Variants in HGF observed in about 807,000 individuals in gnomAD.
The protein encoded by HGF is fibroblast-derived tumor cytotoxic factor.
Under a neutral mutation model 111.6 loss-of-function variants are expected in HGF, and 39 were observed. That is an observed-to-expected ratio of 0.35 (90% CI 0.27 to 0.46). The LOEUF is 0.46. HGF is among the 20% of genes least tolerant of loss of function. HGF has a pLI of 1.00. For missense variants in HGF, 735 were observed against 910.5 expected (o/e 0.81, Z 2.48); for synonymous variants, 285 against 294.8 (o/e 0.97, Z 0.34).
intron 3 of HGF, 31 bp downstream of exon 3, chr7:81,758,653 TTTATTTCA>T: frequency 8.4e-7 from 1 of 1,183,602 alleles, no homozygotes; most frequent in Admixed American, 1.7e-5. Flanking sequence ...TTCATTATAC[TTTATTTCA>T]TTATGCAATA....
chr7:81,742,909 CAGA>C (rs752761642), intron 7 of HGF: 7 of 1,612,844 alleles, frequency 4.3e-6, no homozygotes, highest in African/African-American at 2.7e-5. Context: ...TGTCACTCAC[CAGA>C]AGAAGTTCAC....
chr7:81,765,423 A>T (rs1789309925), intron 1 of HGF, among the ~76,000 whole-genome samples: 1 of 152,136 alleles, frequency 6.6e-6, no homozygotes, highest in Non-Finnish European at 1.5e-5. Context: ...AAGATCGAAA[A>T]GCATTTTGAA....
intron 5 of HGF, among the ~76,000 whole-genome samples, chr7:81,745,713 A>AGTTGG (rs1343103845): frequency 6.6e-6 from 1 of 152,220 alleles, no homozygotes; most frequent in African/African-American, 2.4e-5. Context: ...ATGTTGAATA[A>AGTTGG]GCTGGGCAGG....
intron 1 of HGF, 86 bp from the exon 2 acceptor site, chr7:81,762,958 T>C: frequency 1.3e-6 from 1 of 797,480 alleles, no homozygotes; most frequent in Admixed American, 2.3e-5. Flanking sequence ...AAGGATCATC[T>C]ACAAGAAAGT....
intron 2 of HGF, among the ~76,000 whole-genome samples, chr7:81,761,515 G>A (rs964052330): frequency 3.3e-5 from 5 of 149,462 alleles, no homozygotes; most frequent in Non-Finnish European, 5.9e-5. Flanking sequence ...ATGTAATTGA[G>A]TAGAATTTAA....
chr7:81,702,493 G>GT lies in HGF; in HGVS notation c.*87dup. On this transcript the variant is annotated 3_prime_UTR_variant, in exon 18 of 18. Coordinates refer to ENST00000222390, the MANE Select transcript of HGF (RefSeq NM_000601.6). ...CTCCAGTAGTTGTCTTAGGATTGTT[G>GT]TAAGTGACATTTTAAATTCCACATT... 1 of 1,086,734 alleles carries GT rather than the reference G, an allele frequency of 9.2e-7. No individual in the cohort carries two copies. The highest frequency in any genetic ancestry group is 1.4e-6 in the Non-Finnish European group (1 of 708,086). 67.3% of individuals were successfully genotyped at this position (1,086,734 alleles called of 1,614,324 possible). A position where few individuals can be genotyped will look rare whatever the true frequency, so the allele number is the denominator to read the frequency against.
At chr7:81,727,334 C>T (rs542217507) in intron 8 of HGF, among the ~76,000 whole-genome samples, 4 of 152,150 alleles carry the variant, frequency 2.6e-5, no homozygotes, top group South Asian at 2.1e-4. Context: ...TGAGCCACCG[C>T]ACCCGGCCGA....
At chr7:81,715,426 T>C (rs1789684848) in intron 11 of HGF, among the ~76,000 whole-genome samples, 1 of 152,250 alleles carries the variant, frequency 6.6e-6, no homozygotes, top group East Asian at 1.9e-4. Flanking sequence ...ATTGAGCCTA[T>C]GCCAACCTTA....
chr7:81,725,947 T>C lies in HGF; in HGVS notation c.1111A>G (p.Asn371Asp). 6.2e-7 allele frequency: 1 copy of C among 1,614,038 alleles called. No homozygotes were observed. Among genetic ancestry groups the C allele is most frequent in the South Asian group, 1.1e-5 (1 of 91,086 alleles). ...ESPWCFTTDP[N>D]IRVGYCSQIP... ...TGGGAGCAGTAGCCAACTCGGATGT[T>C]TGGATCAGTGGTAAAACACCAGGGT... Residue 371 changes from asparagine to aspartate, a missense_variant, in exon 9 of 18, where the codon AAC becomes GAC. Coordinates refer to ENST00000222390, the MANE Select transcript of HGF (RefSeq NM_000601.6).
chr7:81,769,160 G>A (rs565701151), intron 1 of HGF, among the ~76,000 whole-genome samples: 8 of 152,022 alleles, frequency 5.3e-5, no homozygotes, highest in African/African-American at 1.7e-4. Flanking sequence ...AGCAGCAAAC[G>A]AGATCTCTAA....
chr7:81,760,284 G>A (rs569211921), intron 2 of HGF, among the ~76,000 whole-genome samples: 1 of 152,142 alleles, frequency 6.6e-6, no homozygotes, highest in Non-Finnish European at 1.5e-5. Context: ...AAAGAGGAAA[G>A]CTTCCTATCT....
intron 11 of HGF, among the ~76,000 whole-genome samples, chr7:81,716,556 G>A (rs1789717218): frequency 6.6e-6 from 1 of 151,988 alleles, no homozygotes; most frequent in South Asian, 2.1e-4. Flanking sequence ...TATTTTTGAA[G>A]ATTTATTTTC....
At chr7:81,748,041 GACTT>G (rs1788345883) in intron 5 of HGF, among the ~76,000 whole-genome samples, 1 of 152,134 alleles carries the variant, frequency 6.6e-6, no homozygotes, top group Admixed American at 6.5e-5. Context: ...AGTTTTAAGA[GACTT>G]ACCTAAAACA....
In HGF at chr7:81,702,629, T is replaced by A. The variant is rs764730119; in HGVS notation, c.2139A>T (p.Ala713=). The stretch of plus-strand genomic sequence containing the variant: ...TTAAAATAATTTTGTGTATCCATTT[T>A]GCATAATATGCTACTCGGACAAAAA... ...PGIFVRVAYY[A]KWIHKIILTY... is the part of the protein sequence containing the mutation. Residue 713 remains alanine (A), a synonymous_variant, in exon 18 of 18, where the codon GCA becomes GCT. Coordinates refer to ENST00000222390, the MANE Select transcript of HGF (RefSeq NM_000601.6). The A allele has an allele frequency of 6.2e-7, 1 of 1,611,552 alleles. No individual in the cohort carries two copies. The highest frequency in any genetic ancestry group is 8.5e-7 in the Non-Finnish European group (1 of 1,178,256).
chr7:81,753,388 A>G (rs1267687348), intron 4 of HGF, among the ~76,000 whole-genome samples: 1 of 152,028 alleles, frequency 6.6e-6, no homozygotes, highest in African/African-American at 2.4e-5. Flanking sequence ...TGTTTTGTTA[A>G]CAGGCTTTAT....
At chr7:81,721,595 C>CTG (rs1789866012) in intron 9 of HGF, among the ~76,000 whole-genome samples, 5 of 152,110 alleles carry the variant, frequency 3.3e-5, no homozygotes, top group Non-Finnish European at 7.4e-5. Context: ...CTGAGTCACC[C>CTG]AAGTCAGCTG....
In HGF at chr7:81,758,703, T is replaced by A. The variant is rs750225776; in HGVS notation, c.356A>T (p.Tyr119Phe). 6.3e-7 allele frequency: 1 copy of A among 1,591,860 alleles called. No individual in the cohort carries two copies. Among genetic ancestry groups the A allele is most frequent in the South Asian group, 1.1e-5 (1 of 90,568 alleles). The change falls in exon 3 of 18, where the codon TAT becomes TTT. Residue 119 changes from tyrosine (Y) to phenylalanine (F), a missense_variant. Around this residue, in one of 3 missense-constraint regions of HGF, gnomAD observed 553 missense variants for 685.6 expected, o/e 0.81. Coordinates refer to ENST00000222390, the MANE Select transcript of HGF (RefSeq NM_000601.6). ...KKEFGHEFDL[Y>F]ENKDYIRNCI... Reference sequence around the variant, plus strand: ...GAGAAGTCAGTTACCTTTGTTTTCATAGAGGTCAAATTCATGGCCAAATTC... The same window carrying A: ...GAGAAGTCAGTTACCTTTGTTTTCAAAGAGGTCAAATTCATGGCCAAATTC...
At chr7:81,711,412 G>T (rs936053876) in intron 12 of HGF, 69 bp downstream of exon 12, 2 of 799,886 alleles carry the variant, frequency 2.5e-6, no homozygotes, top group African/African-American at 1.8e-5. Flanking sequence ...TTCTTTGAAA[G>T]AAATAATGAC....
intron 9 of HGF, among the ~76,000 whole-genome samples, chr7:81,723,502 T>C (rs969946347): frequency 7.9e-5 from 12 of 151,736 alleles, no homozygotes; most frequent in African/African-American, 2.9e-4. Context: ...CTGAAATAAC[T>C]GTAAATACAT....
Sources: allele counts gnomAD v4.1 joint callset (sites outside exome capture counted in the v4.1 genomes callset), GRCh38; gene constraint gnomAD v4.1.1; regional missense constraint gnomAD v4.1.1; transcripts MANE v1.5; gene names NCBI Gene and HGNC (gene_info 2026-07-23, HGNC 2026-07-21).